PALLD: variants seen among roughly 807,000 people sequenced by gnomAD.
PALLD encodes the protein palladin.
PALLD carries 61 observed loss-of-function variants against 123.5 expected under a neutral mutation model. That is an observed-to-expected ratio of 0.49 (90% confidence interval 0.40 to 0.61). The LOEUF (loss-of-function observed/expected upper bound fraction) is 0.61, where lower values mean the gene tolerates loss of function less well. PALLD is among the 20% of genes least tolerant of loss of function. PALLD has a pLI of 0.00. For synonymous variants in PALLD, 465 were observed against 496.4 expected (o/e 0.94, Z 0.84); for missense variants, 1,273 against 1,377.0 (o/e 0.92, Z 1.20).
Position 168,924,989 on chromosome 4 carries a change from G to T in PALLD, c.3269G>T (p.Gly1090Val). Residue 1090 changes from glycine (G) to valine (V), a missense_variant, in exon 20 of 22, where the codon GGA becomes GTA. Physicochemically the swap from Gly to Val is moderately radical, Grantham distance 109. This residue lies in a region of PALLD where 329 missense variants were observed against 422.5 expected (regional missense o/e 0.78). Transcript: ENST00000505667. ...NHGYICLLIQ[G>V]ATKEDAGWYT... ...GGCTACATCTGCCTGCTCATTCAGGGAGCCACAAAAGAAGATGCTGGGTGG... is the reference window on the plus strand; with the variant it reads ...GGCTACATCTGCCTGCTCATTCAGGTAGCCACAAAAGAAGATGCTGGGTGG... 6.2e-7 allele frequency: 1 copy of T among 1,614,072 alleles called. No individual in the cohort carries two copies. Among genetic ancestry groups the T allele is most frequent in the Non-Finnish European group, 8.5e-7 (1 of 1,180,000 alleles).
rs190629442 is a variant in PALLD, at chr4:168,626,329, A to T, written c.909-41861A>T. On this transcript the variant is annotated intron_variant, in intron 2 of 21. Coordinates refer to ENST00000505667, the MANE Select transcript of PALLD (RefSeq NM_001166108.2). ...AGGCAGGAGAATGGCGTGAACCGGG[A>T]GGTGGAGCTTGCAGTGAGCCGAGAT... Among the ~76,000 whole-genome samples the T allele has an allele frequency of 4.8e-4, 68 of 141,580 alleles. 1 individual carries two copies. The East Asian group carries it at 0.014, about 29-fold the overall frequency. 92.9% of individuals were successfully genotyped at this position (141,580 alleles called of 152,430 possible).
intron 2 of PALLD, among the ~76,000 whole-genome samples, chr4:168,541,207 G>A (rs1048355522): frequency 6.6e-6 from 1 of 152,166 alleles, no homozygotes; most frequent in Admixed American, 6.5e-5. Context: ...AATATTCAGG[G>A]AGGTAACTGC....
At position 168,556,985 on chromosome 4, in the gene PALLD, C is replaced by T. The variant is rs112180425; in HGVS notation, c.908+44573C>T. 6.7e-3 allele frequency among the ~76,000 whole-genome samples: 1,020 copies of T among 151,958 alleles called. 8 individuals are homozygous for T. The highest frequency in any genetic ancestry group is 0.023 in the African/African-American group (956 of 41,530). On this transcript the variant is annotated intron_variant, in intron 2 of 21. Coordinates refer to ENST00000505667, the MANE Select transcript of PALLD (RefSeq NM_001166108.2). Reference sequence around the variant, plus strand: ...AAGTGTTCCTGTAATCAGCCTCCCCCGGGAACTGTCAGTATTCAATGGGCT... The same window carrying T: ...AAGTGTTCCTGTAATCAGCCTCCCCTGGGAACTGTCAGTATTCAATGGGCT...
chr4:168,866,438 G>A (rs557199070), intron 10 of PALLD, among the ~76,000 whole-genome samples: 5 of 152,274 alleles, frequency 3.3e-5, no homozygotes, highest in African/African-American at 9.6e-5. Context: ...AAATTCTATG[G>A]TAGTATTTAT....
intron 18 of PALLD, among the ~76,000 whole-genome samples, chr4:168,923,046 T>G (rs116326062): frequency 2.9e-3 from 447 of 152,352 alleles, no homozygotes; most frequent in African/African-American, 0.01. Context: ...CATAAAAATG[T>G]GTATGAAGCT....
chr4:168,915,512 C>T (rs1759911691), intron 16 of PALLD, among the ~76,000 whole-genome samples: 1 of 152,050 alleles, frequency 6.6e-6, no homozygotes, highest in Admixed American at 6.6e-5. Context: ...CTTTTAATTT[C>T]CTACAAATTT....
At chr4:168,692,336 TCTG>T (rs1467498875) in intron 8 of PALLD, among the ~76,000 whole-genome samples, 2 of 152,232 alleles carry the variant, frequency 1.3e-5, no homozygotes, top group African/African-American at 4.8e-5. Flanking sequence ...CTGGAATTGA[TCTG>T]CTGCCCTCCT....
chr4:168,722,047 G>A (rs1786073393), intron 10 of PALLD, among the ~76,000 whole-genome samples: 1 of 152,062 alleles, frequency 6.6e-6, no homozygotes, highest in African/African-American at 2.4e-5. Context: ...ATGTATATAT[G>A]TATGTATGTA....
chr4:168,665,519 C>T (rs1166100678), intron 2 of PALLD, among the ~76,000 whole-genome samples: 2 of 152,104 alleles, frequency 1.3e-5, no homozygotes, highest in African/African-American at 4.8e-5. Context: ...GCTGAGATCG[C>T]GCCACTGCAC....
chr4:168,547,813 G>A (rs1766304312), intron 2 of PALLD, among the ~76,000 whole-genome samples: 1 of 151,978 alleles, frequency 6.6e-6, no homozygotes, highest in African/African-American at 2.4e-5. Flanking sequence ...GGGCGTGGTG[G>A]CGTGCGCCTG....
intron 17 of PALLD, among the ~76,000 whole-genome samples, chr4:168,920,799 G>A (rs925653997): frequency 1.3e-5 from 2 of 152,112 alleles, no homozygotes; most frequent in Non-Finnish European, 2.9e-5. Flanking sequence ...GTGTGCTGAC[G>A]AATGCATTCT....
intron 8 of PALLD, among the ~76,000 whole-genome samples, chr4:168,695,255 G>T (rs1327946213): frequency 6.6e-6 from 1 of 152,158 alleles, no homozygotes; most frequent in Non-Finnish European, 1.5e-5. Flanking sequence ...AGGTGCTGTT[G>T]TAGGAGGGCA....
rs779163753 is a variant in PALLD, at chr4:168,683,040, A to G, written c.1197A>G (p.Ser399=). 2 of 1,613,106 alleles carry G rather than the reference A, an allele frequency of 1.2e-6. No individual in the cohort carries two copies. Among genetic ancestry groups the G allele is most frequent in the East Asian group, 2.2e-5 (1 of 44,866 alleles). ...KTTSVSLTIG[S]SSPKTGVTTA... is the part of the protein sequence containing the mutation. ...CTTCTGTTTCCTTGACAATAGGATC[A>G]TCATCTCCAAAGACAGGGGTGACCA... The change falls in exon 5 of 22, where the codon TCA becomes TCG. Residue 399 remains serine (S), a synonymous_variant. Coordinates refer to ENST00000505667, the MANE Select transcript of PALLD (RefSeq NM_001166108.2).
intron 10 of PALLD, among the ~76,000 whole-genome samples, chr4:168,864,917 T>C (rs1160508333): frequency 6.6e-6 from 1 of 152,250 alleles, no homozygotes; most frequent in Non-Finnish European, 1.5e-5. Flanking sequence ...TACACAGTCA[T>C]ATATAACCAC....
intron 10 of PALLD, among the ~76,000 whole-genome samples, chr4:168,759,240 T>C (rs1222739658): frequency 1.8e-5 from 2 of 113,968 alleles, no homozygotes; most frequent in South Asian, 3.0e-4. Flanking sequence ...TATATATATA[T>C]ATATAGAAAC....
At chr4:168,842,286 A>G (rs560792964) in intron 10 of PALLD, among the ~76,000 whole-genome samples, 1 of 152,362 alleles carries the variant, frequency 6.6e-6, no homozygotes, top group Admixed American at 6.5e-5. Flanking sequence ...AAATCGGGAA[A>G]ACATGACATT....
At chr4:168,916,487 C>CTTTAT (rs1183206845) in intron 17 of PALLD, among the ~76,000 whole-genome samples, 4 of 43,966 alleles carry the variant, frequency 9.1e-5, no homozygotes, top group African/African-American at 2.5e-4. Flanking sequence ...TACTATGATT[C>CTTTAT]TTTAAATCTA....
chr4:168,787,967 G>A (rs1402839044), intron 10 of PALLD, among the ~76,000 whole-genome samples: 1 of 152,212 alleles, frequency 6.6e-6, no homozygotes, highest in Non-Finnish European at 1.5e-5. Context: ...CAGGAAAAAA[G>A]TCTGTATAAC....
chr4:168,856,907 A>G (rs1748687771), intron 10 of PALLD, among the ~76,000 whole-genome samples: 1 of 152,214 alleles, frequency 6.6e-6, no homozygotes, highest in Non-Finnish European at 1.5e-5. Context: ...TGCTTTCCCA[A>G]TTTGCCAGTG....
Sources: gnomAD v4.1 joint callset for allele counts (sites outside exome capture counted in the v4.1 genomes callset) on GRCh38, gnomAD v4.1.1 for gene constraint, gnomAD v4.1.1 regional missense constraint, MANE v1.5 for transcripts, NCBI Gene and HGNC (gene_info 2026-07-23, HGNC 2026-07-21) for gene names.